Variants in FHIT observed in about 807,000 individuals in gnomAD.
FHIT encodes bis(5'-adenosyl)-triphosphatase.
A neutral mutation model predicts 17.9 loss-of-function variants in FHIT; 19 were observed. The ratio of observed to expected loss-of-function variants is 1.06; its 90% CI spans 0.74 to 1.56. FHIT has a LOEUF of 1.56. Among genes scored for constraint, FHIT ranks in the 40% most tolerant of loss-of-function variants. The pLI is 0.00. For missense variants in FHIT, 248 were observed against 189.2 expected (o/e 1.31, Z -1.82); for synonymous variants, 81 against 69.7 (o/e 1.16, Z -0.81).
chr3:60,046,228 T>C (rs1044490302), intron 5 of FHIT, among the ~76,000 whole-genome samples: 1 of 152,188 alleles, frequency 6.6e-6, no homozygotes, highest in African/African-American at 2.4e-5. Flanking sequence ...TCGCAAGCAA[T>C]TACCATCTCA....
intron 5 of FHIT, among the ~76,000 whole-genome samples, chr3:60,079,434 A>T (rs1484411968): frequency 1.3e-5 from 2 of 151,954 alleles, no homozygotes; most frequent in Non-Finnish European, 2.9e-5. Flanking sequence ...TTTTACTTTT[A>T]AAAAGGTCTC....
At chr3:60,341,669 C>T (rs1276062838) in intron 5 of FHIT, among the ~76,000 whole-genome samples, 2 of 151,878 alleles carry the variant, frequency 1.3e-5, no homozygotes, top group Non-Finnish European at 2.9e-5. Context: ...TATGTAGTCT[C>T]TCTGCTTTAT....
intron 4 of FHIT, among the ~76,000 whole-genome samples, chr3:60,656,537 A>C (rs1246727250): frequency 6.6e-6 from 1 of 152,130 alleles, no homozygotes; most frequent in Non-Finnish European, 1.5e-5. Context: ...CTCTCTCCAA[A>C]GGGAATGGAG....
chr3:60,038,941 G>A (rs1432667334), intron 5 of FHIT, among the ~76,000 whole-genome samples: 1 of 152,104 alleles, frequency 6.6e-6, no homozygotes, highest in East Asian at 1.9e-4. Flanking sequence ...ATTATGTACT[G>A]CCTCTTATGG....
intron 7 of FHIT, among the ~76,000 whole-genome samples, chr3:59,970,906 A>G (rs1482756656): frequency 2.5e-5 from 3 of 118,560 alleles, no homozygotes; most frequent in East Asian, 4.6e-4. Context: ...TAGTTGACGG[A>G]ACAAGCAGGG....
intron 3 of FHIT, among the ~76,000 whole-genome samples, chr3:60,903,231 T>C (rs1290854644): frequency 1.3e-5 from 2 of 152,198 alleles, no homozygotes; most frequent in African/African-American, 4.8e-5. Flanking sequence ...TAAGGATCAA[T>C]GCAGAACTCC....
At chr3:59,942,311 A>G (rs1398829067) in intron 7 of FHIT, among the ~76,000 whole-genome samples, 1 of 152,104 alleles carries the variant, frequency 6.6e-6, no homozygotes, top group Non-Finnish European at 1.5e-5. Flanking sequence ...TCATCTTTCC[A>G]TGCCTTTGCC....
At chr3:60,186,522 A>C (rs1305111425) in intron 5 of FHIT, among the ~76,000 whole-genome samples, 1 of 152,208 alleles carries the variant, frequency 6.6e-6, no homozygotes, top group Non-Finnish European at 1.5e-5. Context: ...GAGCAACTTG[A>C]CAGTGGCAGG....
At chr3:59,907,155 G>T (rs1187798712) in intron 8 of FHIT, among the ~76,000 whole-genome samples, 1 of 152,190 alleles carries the variant, frequency 6.6e-6, no homozygotes, top group Non-Finnish European at 1.5e-5. Flanking sequence ...GTTGAACCTC[G>T]ATAGGAAGCC....
intron 4 of FHIT, among the ~76,000 whole-genome samples, chr3:60,624,772 G>T (rs149491935): frequency 3.2e-4 from 48 of 152,158 alleles, no homozygotes; most frequent in African/African-American, 1.1e-3. Flanking sequence ...ATGTTTATAA[G>T]GTTCATCCAT....
At chr3:60,555,923 G>T (rs1408907041) in intron 4 of FHIT, among the ~76,000 whole-genome samples, 2 of 152,090 alleles carry the variant, frequency 1.3e-5, no homozygotes, top group Non-Finnish European at 2.9e-5. Flanking sequence ...ATTCACTTTG[G>T]TCTTATGATT....
At chr3:60,742,704 T>C (rs914461883) in intron 4 of FHIT, among the ~76,000 whole-genome samples, 1 of 152,196 alleles carries the variant, frequency 6.6e-6, no homozygotes, top group African/African-American at 2.4e-5. Context: ...CACTTTTGCA[T>C]TTAGTTAAGG....
At chr3:59,872,228 T>G (rs115792291) in intron 8 of FHIT, among the ~76,000 whole-genome samples, 1 of 151,970 alleles carries the variant, frequency 6.6e-6, no homozygotes, top group Non-Finnish European at 1.5e-5. Flanking sequence ...ATTTTGGGAG[T>G]CACAGTACTA....
chr3:60,416,815 G>A (rs540252971), intron 5 of FHIT, among the ~76,000 whole-genome samples: 18 of 152,070 alleles, frequency 1.2e-4, no homozygotes, highest in South Asian at 2.1e-4. Flanking sequence ...GGCCGGGTGC[G>A]GCAGCTGATG....
chr3:60,832,861 G>A (rs1431911443), intron 3 of FHIT, among the ~76,000 whole-genome samples: 1 of 152,122 alleles, frequency 6.6e-6, no homozygotes, highest in East Asian at 1.9e-4. Context: ...GAGATTTTAC[G>A]CTAAGCATTC....
chr3:60,878,937 C>T (rs1704821228), intron 3 of FHIT, among the ~76,000 whole-genome samples: 1 of 152,134 alleles, frequency 6.6e-6, no homozygotes, highest in South Asian at 2.1e-4. Flanking sequence ...GTGAATAGTG[C>T]CGCAATAAAC....
chr3:60,328,260 C>T (rs1709796147), intron 5 of FHIT, among the ~76,000 whole-genome samples: 1 of 152,172 alleles, frequency 6.6e-6, no homozygotes, highest in Non-Finnish European at 1.5e-5. Flanking sequence ...GAGCAACTAA[C>T]ACATGGATCA....
intron 5 of FHIT, among the ~76,000 whole-genome samples, chr3:60,431,206 A>G (rs1441289255): frequency 1.5e-4 from 7 of 46,542 alleles, no homozygotes; most frequent in African/African-American, 3.1e-4. Context: ...GCAAGATTCC[A>G]TCTCAAAAGA....
intron 2 of FHIT, among the ~76,000 whole-genome samples, chr3:61,157,923 G>A (rs891522794): frequency 2.6e-5 from 4 of 152,002 alleles, no homozygotes; most frequent in African/African-American, 4.8e-5. Flanking sequence ...GATAAAAGGG[G>A]GCACAAATTT....
Sources: allele counts gnomAD v4.1 joint callset (sites outside exome capture counted in the v4.1 genomes callset), GRCh38; gene constraint gnomAD v4.1.1; transcripts MANE v1.5; gene names NCBI Gene and HGNC (gene_info 2026-07-23, HGNC 2026-07-21).